Variants in MYO10 observed in about 807,000 individuals in gnomAD.
The protein encoded by MYO10 is unconventional myosin-X.
MYO10 carries 133 observed loss-of-function variants against 257.3 expected under a neutral mutation model. The observed-to-expected ratio is 0.52, with a 90% CI of 0.45 to 0.60. The LOEUF (loss-of-function observed/expected upper bound fraction) is 0.60, where lower values mean the gene tolerates loss of function less well. MYO10 is among the 20% of genes least tolerant of loss of function. MYO10 has a pLI of 0.00. For missense variants in MYO10, 2,399 were observed against 2,635.7 expected, an observed-to-expected ratio of 0.91 and a Z score of 1.97; for synonymous variants, 1,104 against 1,028.6, an observed-to-expected ratio of 1.07 and a Z score of -1.40.
intron 19 of MYO10, among the ~76,000 whole-genome samples, chr5:16,739,192 A>C (rs72732219): frequency 0.11 from 12,591 of 115,136 alleles, 622 homozygotes; most frequent in Admixed American, 0.15. Flanking sequence ...ATCATGTCCC[A>C]AAAAAAAAAA....
chr5:16,688,084 G>A (rs1579827774), intron 28 of MYO10, among the ~76,000 whole-genome samples: 1 of 152,086 alleles, frequency 6.6e-6, no homozygotes, highest in East Asian at 1.9e-4. Context: ...AAACAGACAG[G>A]GCAGCTGCCA....
intron 39 of MYO10, 70 bp from the exon 40 acceptor site, chr5:16,668,538 A>C: frequency 1.5e-6 from 2 of 1,337,264 alleles, no homozygotes; most frequent in Admixed American, 2.7e-5. Flanking sequence ...CTAAACCATA[A>C]GACAGGCTTT....
chr5:16,810,368 C>G (rs1742400501), intron 3 of MYO10, among the ~76,000 whole-genome samples: 2 of 152,194 alleles, frequency 1.3e-5, no homozygotes, highest in African/African-American at 2.4e-5. Flanking sequence ...CTACCCTGGT[C>G]TAAAACCCTC....
intron 19 of MYO10, among the ~76,000 whole-genome samples, chr5:16,743,304 T>C (rs1375290083): frequency 6.6e-6 from 1 of 152,136 alleles, no homozygotes; most frequent in Admixed American, 6.5e-5. Flanking sequence ...TATCCTTCCA[T>C]TAATCTTGTC....
At chr5:16,857,353 T>A (rs1420356845) in intron 2 of MYO10, among the ~76,000 whole-genome samples, 1 of 152,214 alleles carries the variant, frequency 6.6e-6, no homozygotes, top group Non-Finnish European at 1.5e-5. Context: ...GTACTCAGGC[T>A]GTGAAAGTGA....
chr5:16,720,016 G>A (rs1394119229), intron 19 of MYO10, among the ~76,000 whole-genome samples: 1 of 142,458 alleles, frequency 7.0e-6, no homozygotes, highest in African/African-American at 3.1e-5. Context: ...GTGTGTGTGT[G>A]TGTGTGTATA....
At chr5:16,800,515 C>T (rs1742090234) in intron 3 of MYO10, among the ~76,000 whole-genome samples, 1 of 152,176 alleles carries the variant, frequency 6.6e-6, no homozygotes, top group African/African-American at 2.4e-5. Context: ...AGCATGTGCT[C>T]GTGGGTTCTT....
rs937938909 is a variant in MYO10 at position 16,682,802 on chromosome 5, A to T, written c.4047-789T>A. On this transcript the variant is annotated intron_variant, in intron 30 of 40. Transcript: ENST00000513610. ...TTGAGGTGCCCCTTAAAAATAAAAAATAAAAAAAGCCTTTTTCTATAGTTG... is the reference window on the plus strand; with the variant it reads ...TTGAGGTGCCCCTTAAAAATAAAAATTAAAAAAAGCCTTTTTCTATAGTTG... Among the ~76,000 whole-genome samples, 72 of 151,156 alleles carry T rather than the reference A, an allele frequency of 4.8e-4. 1 individual carries two copies. The highest frequency in any genetic ancestry group is 7.3e-4 in the African/African-American group (30 of 41,274).
chr5:16,904,769 A>T (rs1341900825), intron 1 of MYO10, among the ~76,000 whole-genome samples: 1 of 152,134 alleles, frequency 6.6e-6, no homozygotes, highest in African/African-American at 2.4e-5. Flanking sequence ...CTCTACTAAA[A>T]ATTCAAAAAA....
chr5:16,766,140 C>T lies in MYO10; in HGVS notation c.1119G>A (p.Leu373=). The change falls in exon 11 of 41, where the codon TTG becomes TTA. Residue 373 remains leucine, a synonymous_variant. Transcript: ENST00000513610. ...GLDPTQLTDA[L]TQRSMFLRGE... ...CCCTGAGGAACATTGATCTCTGGGT[C>T]AAAGCATCTGTGAGCTGTGTTGGGT... is the stretch of plus-strand genomic sequence containing the variant. The T allele has an allele frequency of 1.2e-6, 2 of 1,613,920 alleles. No individual in the cohort carries two copies. The highest frequency in any genetic ancestry group is 1.7e-6 in the Non-Finnish European group (2 of 1,179,860).
intron 1 of MYO10, among the ~76,000 whole-genome samples, chr5:16,905,827 T>C (rs1745504764): frequency 6.6e-6 from 1 of 152,058 alleles, no homozygotes; most frequent in Admixed American, 6.5e-5. Flanking sequence ...ACATGAACAA[T>C]GTGTGTGTCA....
chr5:16,818,383 T>C (rs1401529249), intron 2 of MYO10, among the ~76,000 whole-genome samples: 90 of 42,896 alleles, frequency 2.1e-3, no homozygotes, highest in African/African-American at 7.3e-3. Flanking sequence ...TGTGTGTGCG[T>C]GTGTGTGTGT....
rs140886284 is a variant in MYO10 at position 16,887,025 on chromosome 5, A to C, written c.22-9318T>G. Among the ~76,000 whole-genome samples the C allele has an allele frequency of 2.9e-3, 441 of 152,198 alleles. 6 individuals carry two copies. Among genetic ancestry groups the C allele is most frequent in the African/African-American group, 0.01 (424 of 41,518 alleles). On this transcript the variant is annotated intron_variant, in intron 1 of 40. Coordinates refer to ENST00000513610, the MANE Select transcript of MYO10 (RefSeq NM_012334.3). ...AATACTAATAAACACACCTAAAAAA[A>C]ACACAGTAGGGTTGTAAACTGAGGC...
chr5:16,811,084 A>C (rs1423802507), intron 3 of MYO10, among the ~76,000 whole-genome samples: 35 of 151,632 alleles, frequency 2.3e-4, no homozygotes, highest in African/African-American at 8.5e-4. Flanking sequence ...AAAAAAAAAA[A>C]ACAAAAAGAA....
rs376327854 is a variant in MYO10, at chr5:16,682,058, G to A, written c.4047-45C>T. 1.6e-4 allele frequency: 249 copies of A among 1,593,836 alleles called. 1 individual carries two copies. The highest frequency in any genetic ancestry group is 1.8e-4 in the Non-Finnish European group (211 of 1,172,296). On this transcript the variant is annotated intron_variant, in intron 30 of 40. Transcript: ENST00000513610. ...GGAAACAAAGCCCCTTAGCCCTACCGTCAGCATCACCTCTGTGTGAACCGA... is the reference window on the plus strand; with the variant it reads ...GGAAACAAAGCCCCTTAGCCCTACCATCAGCATCACCTCTGTGTGAACCGA...
intron 10 of MYO10, 24 bp downstream of exon 10, chr5:16,769,050 G>A: frequency 6.3e-7 from 1 of 1,588,066 alleles, no homozygotes; most frequent in Non-Finnish European, 8.5e-7. Flanking sequence ...AGGGAGCGAG[G>A]AGGGCAGGCA....
intron 19 of MYO10, among the ~76,000 whole-genome samples, chr5:16,740,634 C>T (rs948172930): frequency 6.6e-6 from 1 of 152,076 alleles, no homozygotes. Context: ...CTTCAGCCAC[C>T]GAGGCATTCA....
chr5:16,779,630 G>A lies in MYO10; in HGVS notation c.845C>T (p.Thr282Met), dbSNP rs780812984. 7.5e-6 allele frequency: 12 copies of A among 1,600,038 alleles called. No homozygotes were observed. Among genetic ancestry groups the A allele is most frequent in the South Asian group, 4.5e-5 (4 of 88,010 alleles). ...HEEREEFYLS[T>M]PENYHYLNQS... ...ATTCAAGTAGTGGTAGTTTTCTGGC[G>A]TAGATAAATAAAATTCTTCTACAGA... is the stretch of plus-strand genomic sequence containing the variant. The change falls in exon 9 of 41, where the codon ACG becomes ATG. Residue 282 changes from threonine (T) to methionine (M), a missense_variant. By Grantham distance (81) the Thr-to-Met change is moderately conservative (BLOSUM62 -1). This residue lies in a region of MYO10 where 337 missense variants were observed against 446.8 expected (regional missense o/e 0.75). Coordinates refer to ENST00000513610, the MANE Select transcript of MYO10 (RefSeq NM_012334.3).
intron 2 of MYO10, among the ~76,000 whole-genome samples, chr5:16,875,505 G>A (rs1191238612): frequency 6.6e-6 from 1 of 152,148 alleles, no homozygotes; most frequent in Non-Finnish European, 1.5e-5. Flanking sequence ...GGGTGTTGGT[G>A]AAGTGTCCAC....
Sources: allele counts gnomAD v4.1 joint callset (sites outside exome capture counted in the v4.1 genomes callset), GRCh38; gene constraint gnomAD v4.1.1; regional missense constraint gnomAD v4.1.1; transcripts MANE v1.5; gene names NCBI Gene and HGNC (gene_info 2026-07-23, HGNC 2026-07-21).